The following PNCK variants were observed in gnomAD, a reference collection of about 807,000 sequenced individuals.
PNCK encodes the protein pregnancy up-regulated nonubiquitous CaM kinase.
Under a neutral mutation model 28.3 loss-of-function variants are expected in PNCK, and 21 were observed. The observed-to-expected ratio is 0.74, with a 90% CI of 0.53 to 1.07. PNCK has a LOEUF of 1.07. PNCK is among the 50% of genes least tolerant of loss of function. The pLI is 0.00. For synonymous variants in PNCK, 136 were observed against 125.2 expected (o/e 1.09, Z -0.58); for missense variants, 250 against 298.3 (o/e 0.84, Z 1.19).
chrX:153,681,600 G>C (rs1159253360), intron 1 of PNCK, among the ~76,000 whole-genome samples: 1 of 111,336 alleles, frequency 9.0e-6, no homozygotes, highest in Non-Finnish European at 1.9e-5. Flanking sequence ...AGCCTCAGGA[G>C]ACAGGATGAC....
intron 1 of PNCK, among the ~76,000 whole-genome samples, chrX:153,681,913 A>G (rs1243086692): frequency 9.1e-6 from 1 of 110,258 alleles, no homozygotes; most frequent in Non-Finnish European, 1.9e-5. Flanking sequence ...TCAGGTTGTA[A>G]CCACCTAATG....
Position 153,681,028 on chromosome X carries a change from CAAAAAAAAAA to C in PNCK, c.-3+6393_-3+6402del, listed in dbSNP as rs782745110. 3.7e-3 allele frequency among the ~76,000 whole-genome samples: 113 copies of C among 30,213 alleles called. 1 individual carries two copies. Among genetic ancestry groups the C allele is most frequent in the African/African-American group, 0.011 (111 of 10,368 alleles). 26.2% of individuals were successfully genotyped at this position (30,213 alleles called of 115,157 possible). ...TGGGCAACAGAGTGAGAACCTGTCT[CAAAAAAAAAA>C]AAAAAAAAAAAAGGACAAAGGACAC... On this transcript the variant is annotated intron_variant, in intron 1 of 3. Coordinates refer to the PNCK transcript ENST00000419804.
chrX:153,682,359 C>A (rs1446934829), intron 1 of PNCK, among the ~76,000 whole-genome samples: 2 of 112,003 alleles, frequency 1.8e-5, no homozygotes, highest in African/African-American at 6.5e-5. Context: ...CGGCTCACGG[C>A]ACCCTTGACC....
upstream of PNCK, chrX:153,674,400 T>C (rs2091352857): frequency 8.7e-6 from 3 of 346,612 alleles, no homozygotes; most frequent in South Asian, 1.0e-4. Context: ...ACGACTGCCC[T>C]GGCCCCTCCT....
At chrX:153,674,483 C>T (rs1603206463), upstream of PNCK, 1 of 223,012 alleles carries the variant, frequency 4.5e-6, no homozygotes, top group Non-Finnish European at 8.2e-6. Context: ...GAATGTTCTT[C>T]GATCAGATAT....
At chrX:153,687,763 C>T (rs1258659594), upstream of PNCK, 2 of 217,744 alleles carry the variant, frequency 9.2e-6, no homozygotes, top group African/African-American at 3.8e-5. Context: ...GGCGTCTCCT[C>T]CCCGGGAGGA....
At chrX:153,686,983 G>T (rs1557043276) in intron 1 of PNCK, 1 of 124,381 alleles carries the variant, frequency 8.0e-6, no homozygotes, top group Non-Finnish European at 1.6e-5. Context: ...TGAAGCTGAG[G>T]GGGGCACACT....
chrX:153,681,284 T>C (rs1569539032), intron 1 of PNCK, among the ~76,000 whole-genome samples: 1 of 109,713 alleles, frequency 9.1e-6, no homozygotes, highest in African/African-American at 3.3e-5. Context: ...GTGGCCCCGC[T>C]CCCTAACTGG....
At chrX:153,682,278 C>T (rs576259740) in intron 1 of PNCK, among the ~76,000 whole-genome samples, 7 of 109,453 alleles carry the variant, frequency 6.4e-5, no homozygotes, top group African/African-American at 2.3e-4. Context: ...TGTGGGCCAC[C>T]GCACCGGCCT....
At chrX:153,677,094 C>T (rs975792802), upstream of PNCK, among the ~76,000 whole-genome samples, 9 of 110,522 alleles carry the variant, frequency 8.1e-5, no homozygotes, top group African/African-American at 2.6e-4. Flanking sequence ...CACCCGCCAC[C>T]ACGCTGGGCT....
intron 1 of PNCK, chrX:153,687,289 C>T: frequency 7.2e-6 from 2 of 278,791 alleles, no homozygotes; most frequent in Non-Finnish European, 1.4e-5. Context: ...GAAGCCCCTA[C>T]CCACTCTCAC....
intron 1 of PNCK, among the ~76,000 whole-genome samples, chrX:153,683,367 C>T (rs1301074191): frequency 9.0e-6 from 1 of 110,654 alleles, no homozygotes; most frequent in Non-Finnish European, 1.9e-5. Flanking sequence ...GTCTTGATCT[C>T]CTGACCTCGT....
chrX:153,684,017 T>C (rs2091406438), intron 1 of PNCK, among the ~76,000 whole-genome samples: 2 of 112,638 alleles, frequency 1.8e-5, no homozygotes, highest in African/African-American at 6.5e-5. Flanking sequence ...GTTAGCAGAA[T>C]TCAGGCCCCT....
chrX:153,677,620 A>ATATATATAGTG (rs1569538960), upstream of PNCK, among the ~76,000 whole-genome samples: 3 of 97,842 alleles, frequency 3.1e-5, no homozygotes, highest in African/African-American at 1.2e-4. Context: ...TATATAGTGT[A>ATATATATAGTG]TATATATAGT....
At chrX:153,681,326 C>T (rs1205377078) in intron 1 of PNCK, among the ~76,000 whole-genome samples, 3 of 111,400 alleles carry the variant, frequency 2.7e-5, no homozygotes, top group African/African-American at 9.8e-5. Context: ...CCCAAGAGCA[C>T]GGTATGGAAA....
chrX:153,672,422 C>T, intron 3 of PNCK, 144 bp downstream of exon 3: 1 of 952,411 alleles, frequency 1.0e-6, no homozygotes, highest in East Asian at 3.1e-5. Flanking sequence ...AACTCACTCC[C>T]TTTGCCACAG....
At chrX:153,677,718 CAT>C (rs199509117), upstream of PNCK, among the ~76,000 whole-genome samples, 88 of 84,774 alleles carry the variant, frequency 1.0e-3, no homozygotes, top group East Asian at 0.027. Context: ...ATATATAGTG[CAT>C]ATATATAGTG....
rs782600758 is a variant in PNCK, at chrX:153,671,123, T to C, written c.682A>G (p.Ser228Gly). The C allele has an allele frequency of 1.7e-6, 2 of 1,210,322 alleles. No homozygotes were observed. The highest frequency in any genetic ancestry group is 4.4e-5 in the Admixed American group (2 of 45,863). Reference sequence around the variant, plus strand: ...CAGAAAGGAGAGTCAAACTCATAGCTGGCCCTCAGGATCTGGCTGAAGAGC... The same window carrying C: ...CAGAAAGGAGAGTCAAACTCATAGCCGGCCCTCAGGATCTGGCTGAAGAGC... ...PELFSQILRASYEFDSPFWDD... is the reference protein window; with the variant it reads ...PELFSQILRAGYEFDSPFWDD... Residue 228 changes from serine (S) to glycine (G), a missense_variant, in exon 8 of 12, where the codon AGC becomes GGC. Physicochemically the swap from Ser to Gly is moderately conservative, Grantham distance 56 (BLOSUM62 0). Coordinates refer to ENST00000340888, the MANE Select transcript of PNCK (RefSeq NM_001366977.1).
At chrX:153,677,374 T>C (rs1557041720), upstream of PNCK, among the ~76,000 whole-genome samples, 1 of 110,290 alleles carries the variant, frequency 9.1e-6, no homozygotes, top group Admixed American at 9.8e-5. Context: ...GAACCGGTCC[T>C]AGAAGCAGCC....
Sources: gnomAD v4.1 joint callset for allele counts (sites outside exome capture counted in the v4.1 genomes callset) on GRCh38, gnomAD v4.1.1 for gene constraint, MANE v1.5 for transcripts, NCBI Gene and HGNC (gene_info 2026-07-23, HGNC 2026-07-21) for gene names.